STK33: variants seen among roughly 807,000 people sequenced by gnomAD.
STK33 encodes the protein serine/threonine kinase 33, also known as serine/threonine-protein kinase 33.
A neutral mutation model predicts 58.0 loss-of-function variants in STK33; 52 were observed. That is an observed-to-expected ratio of 0.90 (90% confidence interval 0.72 to 1.13). The LOEUF (loss-of-function observed/expected upper bound fraction) is 1.13. Among genes scored for constraint, STK33 ranks in the 50% most tolerant of loss-of-function variants. The probability of loss-of-function intolerance (pLI) is 0.00; values close to 1 mark genes in which losing one functional copy is unlikely to be tolerated. For synonymous variants in STK33, 215 were observed against 200.1 expected (o/e 1.07, Z -0.63); for missense variants, 630 against 604.2 (o/e 1.04, Z -0.45).
chr11:8,392,272 T>G lies in STK33; in HGVS notation c.*238A>C, dbSNP rs1848677872. 3.7e-6 allele frequency: 2 copies of G among 539,024 alleles called. No homozygotes were observed. The highest frequency in any genetic ancestry group is 3.3e-6 in the Non-Finnish European group (1 of 305,416). 33.4% of individuals were successfully genotyped at this position (539,024 alleles called of 1,614,324 possible). On this transcript the variant is annotated 3_prime_UTR_variant, in exon 16 of 16. Coordinates refer to ENST00000687296, the MANE Select transcript of STK33 (RefSeq NM_001352389.2). ...AACCTTCGTGTACATCTTGAGTTGA[T>G]TTCCACTGCAGCCCACTGCCAAGCC...
chr11:8,397,775 T>A (rs970184379), intron 15 of STK33, among the ~76,000 whole-genome samples: 1 of 152,008 alleles, frequency 6.6e-6, no homozygotes, highest in African/African-American at 2.4e-5. Flanking sequence ...AAGGACCTGA[T>A]GGAGCTGAAA....
chr11:8,578,767 CTAAT>C (rs1368253761), intron 1 of STK33, among the ~76,000 whole-genome samples: 1 of 151,694 alleles, frequency 6.6e-6, no homozygotes, highest in Non-Finnish European at 1.5e-5. Flanking sequence ...TATCTAAAAA[CTAAT>C]TAAACTTTAA....
chr11:8,460,615 G>A (rs1392187455), intron 8 of STK33, among the ~76,000 whole-genome samples: 1 of 151,994 alleles, frequency 6.6e-6, no homozygotes, highest in South Asian at 2.1e-4. Context: ...AAATACAAAT[G>A]TGAGGAAATA....
At chr11:8,484,100 T>C (rs1043193033) in intron 1 of STK33, among the ~76,000 whole-genome samples, 3 of 152,194 alleles carry the variant, frequency 2.0e-5, no homozygotes, top group Non-Finnish European at 2.9e-5. Flanking sequence ...GAAATGTTTG[T>C]ACTCATGCTA....
chr11:8,369,152 A>C, the STK33 span, among the ~76,000 whole-genome samples: 1 of 152,324 alleles, frequency 6.6e-6, no homozygotes, highest in East Asian at 1.9e-4. Flanking sequence ...ACATAAAATC[A>C]TATTCATTGA....
chr11:8,509,167 T>G (rs936026367), intron 1 of STK33, among the ~76,000 whole-genome samples: 2 of 149,768 alleles, frequency 1.3e-5, no homozygotes, highest in African/African-American at 4.9e-5. Flanking sequence ...GTTCAGACAT[T>G]AAATGGCATA....
intron 1 of STK33, among the ~76,000 whole-genome samples, chr11:8,518,068 A>G (rs1053410930): frequency 6.6e-6 from 1 of 152,218 alleles, no homozygotes; most frequent in Admixed American, 6.5e-5. Context: ...AATGAAGGAA[A>G]AAATGTTAAG....
chr11:8,498,826 T>C (rs1449317049), intron 1 of STK33, among the ~76,000 whole-genome samples: 1 of 152,124 alleles, frequency 6.6e-6, no homozygotes, highest in Non-Finnish European at 1.5e-5. Flanking sequence ...CAAACAGCAA[T>C]GGGGAAAGGA....
At chr11:8,479,175 C>G (rs1029024855) in intron 2 of STK33, among the ~76,000 whole-genome samples, 3 of 151,930 alleles carry the variant, frequency 2.0e-5, no homozygotes, top group Non-Finnish European at 4.4e-5. Context: ...AGCACTTTGG[C>G]AGGCTGAGGC....
Position 8,430,930 on chromosome 11 carries a change from G to A in STK33, c.1146+4564C>T, listed in dbSNP as rs370658245. Reference sequence around the variant, plus strand: ...CACCCAGGTTGGAGTGCAGTGGTGCGATCTTGGCTCACTGCAACCTCCACC... The same window carrying A: ...CACCCAGGTTGGAGTGCAGTGGTGCAATCTTGGCTCACTGCAACCTCCACC... On this transcript the variant is annotated intron_variant, in intron 14 of 15. Transcript: ENST00000687296. 1.6e-4 allele frequency among the ~76,000 whole-genome samples: 23 copies of A among 148,350 alleles called. 1 individual carries two copies. In the South Asian group the frequency reaches 4.0e-3, roughly 26 times the overall value.
chr11:8,519,637 A>G (rs1383204053), intron 1 of STK33, among the ~76,000 whole-genome samples: 1 of 152,092 alleles, frequency 6.6e-6, no homozygotes, highest in African/African-American at 2.4e-5. Context: ...TCAAATAGAC[A>G]CAATAAAAAA....
chr11:8,364,052 C>T, the STK33 span, among the ~76,000 whole-genome samples: 5 of 152,140 alleles, frequency 3.3e-5, no homozygotes, highest in Non-Finnish European at 7.4e-5. Flanking sequence ...TTCAATGTTG[C>T]GAAATATCTC....
chr11:8,434,535 A>G (rs1943826507), intron 14 of STK33, among the ~76,000 whole-genome samples: 1 of 152,218 alleles, frequency 6.6e-6, no homozygotes, highest in South Asian at 2.1e-4. Flanking sequence ...GCTGCACACT[A>G]TATCGTAAAG....
chr11:8,514,592 G>T (rs1029485599), intron 1 of STK33, among the ~76,000 whole-genome samples: 2 of 152,120 alleles, frequency 1.3e-5, no homozygotes, highest in Admixed American at 1.3e-4. Context: ...TTACATTGAG[G>T]TAGAACTCTG....
chr11:8,392,639 T>C lies in STK33; in HGVS notation c.1416A>G (p.Thr472=). ...DNFDMCSSSF[T]SSKLLPAEIK... ...TTTCAGCTGGAAGGAGTTTGCTAGA[T>C]GTGAAACTTGAACTGCACATATCAA... Residue 472 remains threonine, a synonymous_variant, in exon 16 of 16, where the codon ACA becomes ACG. Coordinates refer to ENST00000687296, the MANE Select transcript of STK33 (RefSeq NM_001352389.2). 6.2e-7 allele frequency: 1 copy of C among 1,614,232 alleles called. No homozygotes were observed. Among genetic ancestry groups the C allele is most frequent in the East Asian group, 2.2e-5 (1 of 44,890 alleles).
chr11:8,346,576 G>A, the STK33 span, among the ~76,000 whole-genome samples: 1 of 152,338 alleles, frequency 6.6e-6, no homozygotes, highest in Admixed American at 6.5e-5. Flanking sequence ...ATATCTGTGA[G>A]GAAAGGCCCG....
At chr11:8,527,393 C>T (rs950884557) in intron 1 of STK33, among the ~76,000 whole-genome samples, 8 of 152,020 alleles carry the variant, frequency 5.3e-5, no homozygotes, top group Admixed American at 2.0e-4. Context: ...CATGAGTGTT[C>T]GCTTTGTGAT....
chr11:8,518,297 A>T (rs1953014156), intron 1 of STK33, among the ~76,000 whole-genome samples: 1 of 152,190 alleles, frequency 6.6e-6, no homozygotes, highest in Admixed American at 6.5e-5. Context: ...ATGCTGAGAG[A>T]TTTTGTCACC....
the STK33 span, among the ~76,000 whole-genome samples, chr11:8,348,704 C>A: frequency 6.6e-6 from 1 of 152,174 alleles, no homozygotes; most frequent in African/African-American, 2.4e-5. Context: ...AAAACCTTCT[C>A]TGTCTCCACT....
Sources: allele counts gnomAD v4.1 joint callset (sites outside exome capture counted in the v4.1 genomes callset), GRCh38; gene constraint gnomAD v4.1.1; transcripts MANE v1.5; gene names NCBI Gene and HGNC (gene_info 2026-07-23, HGNC 2026-07-21).